The following ZNF669 variants were observed in gnomAD, a reference collection of about 807,000 sequenced individuals.
The protein encoded by ZNF669 is zinc finger protein 669.
ZNF669 carries 7 observed loss-of-function variants against 11.4 expected under a neutral mutation model. That is an observed-to-expected ratio of 0.62 (90% CI 0.35 to 1.16). ZNF669 has a LOEUF of 1.16. ZNF669 is among the 50% of genes most tolerant of loss of function. The pLI, the probability that ZNF669 is intolerant of heterozygous loss-of-function variation, is 0.02. For missense variants in ZNF669, 492 were observed against 463.6 expected, an observed-to-expected ratio of 1.06 and a Z score of -0.56; for synonymous variants, 153 against 155.8, an observed-to-expected ratio of 0.98 and a Z score of 0.13.
rs751520348 is a variant in ZNF669, at chr1:247,100,453, C to T, written c.1058G>A (p.Ser353Asn). The T allele has an allele frequency of 1.9e-6, 3 of 1,614,070 alleles. No homozygotes were observed. Among genetic ancestry groups the T allele is most frequent in the South Asian group, 2.2e-5 (2 of 91,090 alleles). ...ACTACACCCAGCCTCTATATCATGA[C>T]TTCTTTCATGGCGAGTAAGGTGACT... Reference protein sequence around the residue: ...RSSHLTRHERSHDIEAGCSDS... With the variant: ...RSSHLTRHERNHDIEAGCSDS... The change falls in exon 4 of 4, where the codon AGT becomes AAT. Residue 353 changes from serine to asparagine, a missense_variant. Physicochemically the swap from Ser to Asn is conservative, Grantham distance 46. Transcript: ENST00000448299.
chr1:247,101,935 T>C, intron 2 of ZNF669, 52 bp downstream of exon 2: 2 of 1,613,388 alleles, frequency 1.2e-6, no homozygotes, highest in Admixed American at 1.7e-5. Flanking sequence ...TAAATAGCAC[T>C]GATGATAGGG....
At position 247,101,081 on chromosome 1, in the gene ZNF669, A is replaced by C; in HGVS notation, c.430T>G (p.Phe144Val). 6.2e-7 allele frequency: 1 copy of C among 1,614,054 alleles called. No individual in the cohort carries two copies. Among genetic ancestry groups the C allele is most frequent in the Non-Finnish European group, 8.5e-7 (1 of 1,180,024 alleles). Residue 144 changes from phenylalanine to valine, a missense_variant, in exon 4 of 4, where the codon TTC becomes GTC. Transcript: ENST00000448299. ...CTAACACCTGGAACAGAAACGAAGA[A>C]TTTCCCACACTGTTCACATTTATAT... is the stretch of plus-strand genomic sequence containing the variant. Reference protein sequence around the residue: ...KQYKCEQCGKFFVSVPGVRRH... With the variant: ...KQYKCEQCGKVFVSVPGVRRH...
Position 247,100,372 on chromosome 1 carries a change from G to A in ZNF669, c.*2C>T. The A allele has an allele frequency of 6.4e-7, 1 of 1,551,138 alleles. No individual in the cohort carries two copies. Among genetic ancestry groups the A allele is most frequent in the Non-Finnish European group, 8.8e-7 (1 of 1,131,342 alleles). ...ATCCAGGCTGGTTATGAACTCCTGG[G>A]CTCAAGCAATCCACACGCCTTGGCC... On this transcript the variant is annotated 3_prime_UTR_variant, in exon 4 of 4. Coordinates refer to ENST00000448299, the MANE Select transcript of ZNF669 (RefSeq NM_001142572.2).
intron 3 of ZNF669, 126 bp from the exon 4 acceptor site, chr1:247,101,445 G>C: frequency 8.3e-7 from 1 of 1,209,586 alleles, no homozygotes; most frequent in Non-Finnish European, 1.1e-6. Flanking sequence ...TGCCATGACT[G>C]AATTATTTCA....
At position 247,101,334 on chromosome 1, in the gene ZNF669, C is replaced by G; in HGVS notation, c.192-15G>C. 6.5e-7 allele frequency: 1 copy of G among 1,535,708 alleles called. No homozygotes were observed. Among genetic ancestry groups the G allele is most frequent in the Non-Finnish European group, 8.7e-7 (1 of 1,148,974 alleles). ...CGATATGATTTCTGTAAAAAAATGA[C>G]AAGCACATTATTATTGGTTGGTTTA... On this transcript the variant is annotated splice_polypyrimidine_tract_variant and intron_variant, in intron 3 of 3. Coordinates refer to ENST00000448299, the MANE Select transcript of ZNF669 (RefSeq NM_001142572.2).
In ZNF669 at chr1:247,104,282, G is replaced by A. The variant is rs970209765; in HGVS notation, c.-83C>T. Reference sequence around the variant, plus strand: ...ACAGGGTGGCAGAGGCTGCTGCAGAGCCACCTGGGCCTCCCAGAGCCAAGA... The same window carrying A: ...ACAGGGTGGCAGAGGCTGCTGCAGAACCACCTGGGCCTCCCAGAGCCAAGA... On this transcript the variant is annotated 5_prime_UTR_variant, in exon 1 of 4. Transcript: ENST00000448299. 4 of 1,440,112 alleles carry A rather than the reference G, an allele frequency of 2.8e-6. No individual in the cohort carries two copies. The highest frequency in any genetic ancestry group is 3.0e-5 in the South Asian group (2 of 66,038). 89.2% of individuals were successfully genotyped at this position (1,440,112 alleles called of 1,614,324 possible).
At chr1:247,104,029 C>A in intron 1 of ZNF669, 168 bp downstream of exon 1, 1 of 1,588,024 alleles carries the variant, frequency 6.3e-7, no homozygotes, top group Admixed American at 1.8e-5. Context: ...GTTCCGCTGC[C>A]CGCCCCGCCC....
rs1671709438 is a variant in ZNF669, at chr1:247,100,931, A to G, written c.580T>C (p.Cys194Arg). 6 of 1,613,712 alleles carry G rather than the reference A, an allele frequency of 3.7e-6. No homozygotes were observed. Among genetic ancestry groups the G allele is most frequent in the Non-Finnish European group, 4.2e-6 (5 of 1,179,974 alleles). Reference protein sequence around the residue: ...RTHTGEKPYKCKQCGKAFTVS... With the variant: ...RTHTGEKPYKRKQCGKAFTVS... ...GTGAATGCTTTACCACATTGTTTAC[A>G]TTTATAGGGTTTTTCTCCTGTGTGA... The change falls in exon 4 of 4, where the codon TGT becomes CGT. Residue 194 changes from cysteine to arginine, a missense_variant. Transcript: ENST00000448299.
At chr1:247,104,119 T>G in intron 1 of ZNF669, 78 bp downstream of exon 1, 1 of 1,595,304 alleles carries the variant, frequency 6.3e-7, no homozygotes, top group Non-Finnish European at 8.5e-7. Context: ...GCCGATGGCG[T>G]GGAGGCCCGA....
chr1:247,104,309 C>G lies in ZNF669; in HGVS notation c.-110G>C. The G allele has an allele frequency of 1.5e-6, 2 of 1,366,068 alleles. No homozygotes were observed. Among genetic ancestry groups the G allele is most frequent in the Non-Finnish European group, 1.9e-6 (2 of 1,045,856 alleles). 84.6% of individuals were successfully genotyped at this position (1,366,068 alleles called of 1,614,324 possible). A position where few individuals can be genotyped will look rare whatever the true frequency, so the allele number is the denominator to read the frequency against. On this transcript the variant is annotated 5_prime_UTR_variant, in exon 1 of 4. Coordinates refer to ENST00000448299, the MANE Select transcript of ZNF669 (RefSeq NM_001142572.2). The stretch of plus-strand genomic sequence containing the variant: ...CACCTGGGCCTCCCAGAGCCAAGAA[C>G]TAGCAGCGGAGACTAACAGGAAGAG...
In ZNF669 at chr1:247,101,032, C is replaced by T; in HGVS notation, c.479G>A (p.Gly160Glu). The change falls in exon 4 of 4, where the codon GGA (glycine) becomes GAA (glutamate). Residue 160 changes from glycine to glutamate, a missense_variant. Gly to Glu is a moderately conservative substitution (Grantham distance 98). Transcript: ENST00000448299. ...TATCGTACATTTATAAGCTGGATTTCCACTGTGCATTATCATGTGTCTTCT... is the reference window on the plus strand; with the variant it reads ...TATCGTACATTTATAAGCTGGATTTTCACTGTGCATTATCATGTGTCTTCT... The part of the protein sequence containing the change: ...GVRRHMIMHS[G>E]NPAYKCTICG... 6.2e-7 allele frequency: 1 copy of T among 1,613,816 alleles called. No individual in the cohort carries two copies. The highest frequency in any genetic ancestry group is 1.3e-5 in the African/African-American group (1 of 75,050).
At position 247,100,994 on chromosome 1, in the gene ZNF669, A is replaced by G. The variant is rs746114944; in HGVS notation, c.517T>C (p.Phe173Leu). 1 of 1,613,126 alleles carries G rather than the reference A, an allele frequency of 6.2e-7. No homozygotes were observed. The highest frequency in any genetic ancestry group is 1.3e-5 in the African/African-American group (1 of 74,834). The change falls in exon 4 of 4, where the codon TTT becomes CTT. Residue 173 changes from phenylalanine (F) to leucine (L), a missense_variant. Transcript: ENST00000448299. ...AYKCTICGKA[F>L]YFLNSVERHQ... ...CTTTCAACTGAATTGAGAAAATAAA[A>G]AGCTTTCCCACATATCGTACATTTA...
chr1:247,101,239 T>G lies in ZNF669; in HGVS notation c.272A>C (p.Asp91Ala). Residue 91 changes from aspartate to alanine, a missense_variant, in exon 4 of 4, where the codon GAT (aspartate) becomes GCT (alanine). Coordinates refer to ENST00000448299, the MANE Select transcript of ZNF669 (RefSeq NM_001142572.2). ...GEVVSQIPNL[D>A]LNENISTGLK... ...TCCAGTAGAAATGTTCTCGTTCAGA[T>G]CAAGATTTGGAATTTGGCTGACAAC... The G allele has an allele frequency of 6.2e-7, 1 of 1,613,750 alleles. No homozygotes were observed. Among genetic ancestry groups the G allele is most frequent in the African/African-American group, 1.3e-5 (1 of 75,070 alleles).
chr1:247,103,652 AAAAAAAAG>A, intron 1 of ZNF669, among the ~76,000 whole-genome samples: 1 of 148,510 alleles, frequency 6.7e-6, no homozygotes, highest in East Asian at 1.9e-4. Flanking sequence ...AAAAAAAAAA[AAAAAAAAG>A]AATATGGTTT....
chr1:247,101,638 T>C, intron 3 of ZNF669, 93 bp downstream of exon 3: 1 of 1,214,548 alleles, frequency 8.2e-7, no homozygotes, highest in Non-Finnish European at 1.2e-6. Flanking sequence ...AAATTTCAAG[T>C]GACTCTTATT....
In ZNF669 at chr1:247,101,792, C is replaced by G. The variant is rs144238033; in HGVS notation, c.131-1G>C. ...ATATTCTGGTCTTTCCATTGGCTTC[C>G]TAAAATGCAGACCCATAAAATTATC... On this transcript the variant is annotated splice_acceptor_variant, in intron 2 of 3. Coordinates refer to ENST00000448299, the MANE Select transcript of ZNF669 (RefSeq NM_001142572.2). LOFTEE classifies it high-confidence loss of function. The G allele has an allele frequency of 5.2e-5, 84 of 1,613,178 alleles. No individual in the cohort carries two copies. The highest frequency in any genetic ancestry group is 6.8e-5 in the Non-Finnish European group (80 of 1,179,790).
At chr1:247,101,947 A>G (rs754886871) in intron 2 of ZNF669, 40 bp downstream of exon 2, 2 of 1,613,570 alleles carry the variant, frequency 1.2e-6, no homozygotes, top group African/African-American at 2.7e-5. Flanking sequence ...ATGATAGGGA[A>G]AGACTTCTGT....
At position 247,102,080 on chromosome 1, in the gene ZNF669, A is replaced by G; in HGVS notation, c.37T>C (p.Phe13Leu). Residue 13 changes from phenylalanine to leucine, a missense_variant, in exon 2 of 4, where the codon TTT becomes CTT. By Grantham distance (22) the Phe-to-Leu change is conservative. Coordinates refer to ENST00000448299, the MANE Select transcript of ZNF669 (RefSeq NM_001142572.2). ...SVAFEDVAVN[F>L]TQEEWALLDS... ...AGCAAAGCCCATTCCTCCTGGGTAAAGTTCACAGCCACATCCTCAAAAGCC... is the reference window on the plus strand; with the variant it reads ...AGCAAAGCCCATTCCTCCTGGGTAAGGTTCACAGCCACATCCTCAAAAGCC... 1 of 1,612,380 alleles carries G rather than the reference A, an allele frequency of 6.2e-7. No homozygotes were observed.
intron 1 of ZNF669, chr1:247,103,841 A>C (rs1267518736): frequency 8.6e-6 from 12 of 1,396,344 alleles, no homozygotes; most frequent in African/African-American, 1.5e-5. Flanking sequence ...TGGGACTGGA[A>C]GCCCCATGAA....
Sources: gnomAD v4.1 joint callset for allele counts (sites outside exome capture counted in the v4.1 genomes callset) on GRCh38, gnomAD v4.1.1 for gene constraint, MANE v1.5 for transcripts, NCBI Gene and HGNC (gene_info 2026-07-23, HGNC 2026-07-21) for gene names.